Variants in NUP93 observed in about 807,000 individuals in gnomAD.
NUP93 encodes nucleoporin 93.
A neutral mutation model predicts 107.8 loss-of-function variants in NUP93; 55 were observed. The ratio of observed to expected loss-of-function variants is 0.51; its 90% confidence interval spans 0.41 to 0.64. The LOEUF (loss-of-function observed/expected upper bound fraction) is 0.64. Among genes scored for constraint, NUP93 ranks in the 30% least tolerant of loss-of-function variants. The probability of loss-of-function intolerance (pLI) is 0.00; values close to 1 mark genes in which losing one functional copy is unlikely to be tolerated. For synonymous variants in NUP93, 390 were observed against 397.5 expected, an observed-to-expected ratio of 0.98 and a Z score of 0.22; for missense variants, 937 against 1,044.7, an observed-to-expected ratio of 0.90 and a Z score of 1.42.
At chr16:56,734,834 A>G (rs1961586150) in intron 1 of NUP93, among the ~76,000 whole-genome samples, 1 of 152,232 alleles carries the variant, frequency 6.6e-6, no homozygotes, top group Admixed American at 6.5e-5. Context: ...AATGAGGAAG[A>G]TGGGGAAGGT....
chr16:56,798,519 T>A lies in NUP93; in HGVS notation c.341T>A (p.Ile114Asn). The change falls in exon 4 of 22, where the codon ATC becomes AAC. Residue 114 changes from isoleucine (I) to asparagine (N), a missense_variant. Coordinates refer to ENST00000308159, the MANE Select transcript of NUP93 (RefSeq NM_014669.5). ...NEKDNALLSA[I>N]EESRKRTFGM... ...AAGGACAATGCCCTGCTGTCTGCCA[T>A]CGAAGAGTCCCGGAAGAGGGTAAGA... 2 of 1,614,090 alleles carry A rather than the reference T, an allele frequency of 1.2e-6. No homozygotes were observed. The highest frequency in any genetic ancestry group is 1.7e-6 in the Non-Finnish European group (2 of 1,179,958).
chr16:56,783,902 G>A, intron 3 of NUP93: 1 of 985,296 alleles, frequency 1.0e-6, no homozygotes. Flanking sequence ...ATATAGCAGG[G>A]AGAGGTTGAA....
At chr16:56,792,534 G>A (rs1962791199) in intron 3 of NUP93, among the ~76,000 whole-genome samples, 2 of 152,178 alleles carry the variant, frequency 1.3e-5, no homozygotes, top group African/African-American at 2.4e-5. Flanking sequence ...TCAAGAAACC[G>A]TTTTGTACAG....
intron 3 of NUP93, among the ~76,000 whole-genome samples, chr16:56,796,652 C>T (rs1368105765): frequency 6.6e-6 from 1 of 152,216 alleles, no homozygotes; most frequent in Non-Finnish European, 1.5e-5. Context: ...CCAAATTCTA[C>T]TTTGTATTAC....
intron 3 of NUP93, among the ~76,000 whole-genome samples, chr16:56,762,419 T>C (rs1187319769): frequency 6.6e-6 from 1 of 152,192 alleles, no homozygotes; most frequent in African/African-American, 2.4e-5. Flanking sequence ...CATTAGACTT[T>C]CAAAATAACT....
In NUP93 at chr16:56,841,771, C is replaced by T. The variant is rs545189455; in HGVS notation, c.2287C>T (p.Leu763Phe). Residue 763 changes from leucine to phenylalanine, a missense_variant, in exon 21 of 22, where the codon CTC becomes TTC. Coordinates refer to ENST00000308159, the MANE Select transcript of NUP93 (RefSeq NM_014669.5). ...MNILFTQFKR[L>F]KGTSPSSSSR... ...CATCTTGTTCACACAGTTTAAGAGG[C>T]TCAAGGGGACAAGTCCATCCTCGTC... 2.2e-5 allele frequency: 35 copies of T among 1,614,212 alleles called. No homozygotes were observed. In the East Asian group the frequency reaches 7.8e-4, roughly 36 times the overall value.
intron 3 of NUP93, among the ~76,000 whole-genome samples, chr16:56,759,206 T>C (rs1962081770): frequency 6.6e-6 from 1 of 152,260 alleles, no homozygotes; most frequent in Non-Finnish European, 1.5e-5. Flanking sequence ...ATAGCTGTTT[T>C]AATCTAATCA....
chr16:56,834,265 C>A lies in NUP93; in HGVS notation c.1664+11C>A. ...CTTCTATTTCCTCAGGTAACATTTG[C>A]TTTTGACCATTTACTTCAGCTAGTT... On this transcript the variant is annotated intron_variant, in intron 14 of 21. Transcript: ENST00000308159. The A allele has an allele frequency of 6.2e-7, 1 of 1,613,892 alleles. No homozygotes were observed. Among genetic ancestry groups the A allele is most frequent in the African/African-American group, 1.3e-5 (1 of 75,046 alleles).
chr16:56,786,356 A>C (rs1266432931), intron 3 of NUP93, among the ~76,000 whole-genome samples: 1 of 152,234 alleles, frequency 6.6e-6, no homozygotes, highest in East Asian at 1.9e-4. Flanking sequence ...ACATCTGGAA[A>C]GCAGTCGATT....
At chr16:56,750,769 A>G (rs1452367845) in intron 2 of NUP93, among the ~76,000 whole-genome samples, 1 of 152,190 alleles carries the variant, frequency 6.6e-6, no homozygotes, top group Non-Finnish European at 1.5e-5. Context: ...GCAAAGCCTG[A>G]AATGTTTACT....
At chr16:56,824,913 TCATC>T (rs1395272484) in intron 8 of NUP93, among the ~76,000 whole-genome samples, 1 of 152,218 alleles carries the variant, frequency 6.6e-6, no homozygotes, top group Non-Finnish European at 1.5e-5. Flanking sequence ...ATAAAATAAT[TCATC>T]CAAGCGTTAG....
intron 1 of NUP93, among the ~76,000 whole-genome samples, chr16:56,740,391 C>T (rs1350015381): frequency 3.4e-5 from 5 of 146,510 alleles, no homozygotes; most frequent in African/African-American, 1.0e-4. Flanking sequence ...CCAGATGGGG[C>T]GGCGGGGCAG....
chr16:56,802,013 T>C (rs1287750741), intron 4 of NUP93, among the ~76,000 whole-genome samples: 1 of 152,182 alleles, frequency 6.6e-6, no homozygotes, highest in Non-Finnish European at 1.5e-5. Flanking sequence ...ACTCTGCCAC[T>C]CTTAGCCAGA....
chr16:56,789,557 G>A (rs1466567505), intron 3 of NUP93, among the ~76,000 whole-genome samples: 1 of 152,242 alleles, frequency 6.6e-6, no homozygotes, highest in African/African-American at 2.4e-5. Flanking sequence ...AGCAGTGATG[G>A]ATCTGCTGAG....
chr16:56,811,517 G>GT (rs149356174), intron 5 of NUP93, among the ~76,000 whole-genome samples: 17,914 of 146,242 alleles, frequency 0.12, 1,142 homozygotes, highest in Middle Eastern at 0.26. Flanking sequence ...TTTTGTTTTT[G>GT]TTTTTTTTTT....
intron 8 of NUP93, among the ~76,000 whole-genome samples, chr16:56,824,884 G>A (rs933372657): frequency 2.2e-4 from 33 of 152,152 alleles, no homozygotes; most frequent in African/African-American, 7.7e-4. Context: ...TATTCTCCTA[G>A]TATAGGAATA....
chr16:56,808,838 A>G (rs938790322), intron 5 of NUP93, among the ~76,000 whole-genome samples: 2 of 147,320 alleles, frequency 1.4e-5, no homozygotes, highest in Non-Finnish European at 3.0e-5. Context: ...AAATATATAT[A>G]TAAATACACA....
At chr16:56,833,154 G>T in intron 12 of NUP93, 61 bp from the exon 13 acceptor site, 1 of 1,467,742 alleles carries the variant, frequency 6.8e-7, no homozygotes, top group Non-Finnish European at 9.2e-7. Flanking sequence ...TGGGGGTTGG[G>T]CCACCAGTGA....
At chr16:56,840,482 C>T (rs1305211605) in intron 20 of NUP93, among the ~76,000 whole-genome samples, 5 of 152,218 alleles carry the variant, frequency 3.3e-5, no homozygotes. Context: ...TTTCTAAAAA[C>T]CCTCATGCCT....
Sources: allele counts gnomAD v4.1 joint callset (sites outside exome capture counted in the v4.1 genomes callset), GRCh38; gene constraint gnomAD v4.1.1; transcripts MANE v1.5; gene names NCBI Gene and HGNC (gene_info 2026-07-23, HGNC 2026-07-21).